UTP14A: variants seen among roughly 807,000 people sequenced by gnomAD.
UTP14A encodes the protein UTP14A small subunit processome component.
Under a neutral mutation model 57.2 loss-of-function variants are expected in UTP14A, and 5 were observed. The observed-to-expected ratio is 0.09, with a 90% CI of 0.05 to 0.18. The LOEUF is 0.18. Ranked by LOEUF, UTP14A falls within the 10% of genes least tolerant of loss-of-function variation. The pLI, the probability that UTP14A is intolerant of heterozygous loss-of-function variation, is 1.00. For missense variants in UTP14A, 430 were observed against 562.1 expected (o/e 0.76, Z 2.38); for synonymous variants, 169 against 210.9 (o/e 0.80, Z 1.72).
chrX:129,907,637 C>A (rs1370771904), intron 2 of UTP14A, among the ~76,000 whole-genome samples, 195 bp downstream of exon 2: 1 of 112,424 alleles, frequency 8.9e-6, no homozygotes, highest in African/African-American at 3.2e-5. Context: ...TCACTACCCT[C>A]AAGTTGCATA....
At position 129,920,523 on chromosome X, in the gene UTP14A, G is replaced by A. The variant is rs1603013356; in HGVS notation, c.819G>A (p.Lys273=). 1.7e-6 allele frequency: 2 copies of A among 1,210,730 alleles called. No individual in the cohort carries two copies. The highest frequency in any genetic ancestry group is 1.7e-5 in the African/African-American group (1 of 57,392). The change falls in exon 9 of 15, where the codon AAG becomes AAA. Residue 273 remains lysine, a synonymous_variant. Transcript: ENST00000394422. ...TAAAAGAGTTTGAGCAGCTGCGGAA[G>A]GTTAATCCAGCTGCAGCACTAGAAG... ...KALKEFEQLR[K]VNPAAALEEL...
At position 129,927,737 on chromosome X, in the gene UTP14A, C is replaced by A. The variant is rs759257079; in HGVS notation, c.2043+1398C>A. On this transcript the variant is annotated intron_variant, in intron 14 of 14. Transcript: ENST00000394422. ...GGCCAGGCTGGTCTTGAACTCCTGACCTCAAGTGATCTGCCTGCCTCGGTC... is the reference window on the plus strand; with the variant it reads ...GGCCAGGCTGGTCTTGAACTCCTGAACTCAAGTGATCTGCCTGCCTCGGTC... 5.9e-4 allele frequency among the ~76,000 whole-genome samples: 66 copies of A among 111,734 alleles called. 1 individual carries two copies. The highest frequency in any genetic ancestry group is 2.1e-3 in the African/African-American group (65 of 30,754).
intron 5 of UTP14A, among the ~76,000 whole-genome samples, chrX:129,911,535 T>C (rs995613139): frequency 4.5e-5 from 5 of 111,011 alleles, no homozygotes; most frequent in African/African-American, 1.6e-4. Flanking sequence ...GCACCATTGC[T>C]CTCCAGCCTG....
At chrX:129,910,197 T>C (rs955500006) in intron 4 of UTP14A, among the ~76,000 whole-genome samples, 1 of 111,084 alleles carries the variant, frequency 9.0e-6, no homozygotes, top group Non-Finnish European at 1.9e-5. Context: ...ATGCACAACA[T>C]GTTGAAGAAT....
chrX:129,917,516 G>T (rs1254392962), intron 6 of UTP14A, among the ~76,000 whole-genome samples: 1 of 111,307 alleles, frequency 9.0e-6, no homozygotes, highest in East Asian at 2.8e-4. Flanking sequence ...TGAATATTTA[G>T]CCATCCTCAT....
At chrX:129,912,373 A>G (rs1327844235) in intron 6 of UTP14A, among the ~76,000 whole-genome samples, 1 of 109,033 alleles carries the variant, frequency 9.2e-6, no homozygotes, top group Non-Finnish European at 1.9e-5. Context: ...CGCCCACCTC[A>G]GTCTCCCAAA....
intron 14 of UTP14A, among the ~76,000 whole-genome samples, chrX:129,927,870 G>A (rs760579684): frequency 3.6e-5 from 4 of 111,739 alleles, no homozygotes; most frequent in Non-Finnish European, 7.5e-5. Flanking sequence ...GGCCACTGGG[G>A]AAGTGTTGAA....
At chrX:129,917,558 A>G (rs1202855962) in intron 6 of UTP14A, among the ~76,000 whole-genome samples, 1 of 111,987 alleles carries the variant, frequency 8.9e-6, no homozygotes, top group Non-Finnish European at 1.9e-5. Context: ...TTTACAGTTC[A>G]TTCGTTTCAT....
intron 4 of UTP14A, among the ~76,000 whole-genome samples, chrX:129,909,055 C>T (rs1331418569): frequency 9.0e-6 from 1 of 111,700 alleles, no homozygotes; most frequent in Non-Finnish European, 1.9e-5. Context: ...TATTTCAGTT[C>T]TCTTAACAAT....
intron 6 of UTP14A, among the ~76,000 whole-genome samples, chrX:129,914,775 T>C (rs1929616863): frequency 8.9e-6 from 1 of 112,369 alleles, no homozygotes; most frequent in Admixed American, 9.5e-5. Context: ...CTGTCTACAG[T>C]GGTATTTCCC....
intron 4 of UTP14A, 75 bp downstream of exon 4, chrX:129,908,809 C>T (rs41304948): frequency 1.2e-5 from 12 of 982,597 alleles, no homozygotes; most frequent in Middle Eastern, 2.6e-4. Flanking sequence ...CCTCACCCCC[C>T]CTAGGAACTG....
At chrX:129,907,732 A>G (rs756341074) in intron 2 of UTP14A, among the ~76,000 whole-genome samples, 41 of 111,827 alleles carry the variant, frequency 3.7e-4, no homozygotes, top group South Asian at 1.1e-3. Context: ...CAAGGCGGGC[A>G]GATCACAAGG....
intron 4 of UTP14A, among the ~76,000 whole-genome samples, chrX:129,909,428 C>G (rs1602997622): frequency 9.0e-6 from 1 of 110,739 alleles, no homozygotes; most frequent in East Asian, 2.8e-4. Flanking sequence ...CCAGGATGGT[C>G]TGGATCTCCT....
chrX:129,924,283 C>CTTTTTTTT (rs556719731), intron 11 of UTP14A, among the ~76,000 whole-genome samples: 1 of 82,540 alleles, frequency 1.2e-5, no homozygotes, highest in Non-Finnish European at 2.3e-5. Flanking sequence ...TCACATGCTA[C>CTTTTTTTT]TTTTTTTTTT....
In UTP14A at chrX:129,912,406, G is replaced by A. The variant is rs1929514907; in HGVS notation, c.537+485G>A. On this transcript the variant is annotated intron_variant, in intron 6 of 14. Transcript: ENST00000394422. ...AAAAGTTTTGTGATTACGGGCATGA[G>A]CCAATGCGCCCGGTCTCTGTGTCAC... Among the ~76,000 whole-genome samples, 3 of 109,825 alleles carry A rather than the reference G, an allele frequency of 2.7e-5. No individual in the cohort carries two copies. The South Asian group carries it at 1.2e-3, about 42-fold the overall frequency.
At position 129,917,708 on chromosome X, in the gene UTP14A, A is replaced by G. The variant is rs138318298; in HGVS notation, c.538-1467A>G. Reference sequence around the variant, plus strand: ...CTTTTTGTTTGTTTGTTTTTAACATAATAAATAGAGATGGGGTTTCACCAT... The same window carrying G: ...CTTTTTGTTTGTTTGTTTTTAACATGATAAATAGAGATGGGGTTTCACCAT... On this transcript the variant is annotated intron_variant, in intron 6 of 14. Transcript: ENST00000394422. 3.4e-4 allele frequency among the ~76,000 whole-genome samples: 38 copies of G among 111,639 alleles called. No homozygotes were observed. In the East Asian group the frequency reaches 9.4e-3, roughly 28 times the overall value.
At chrX:129,928,322 T>C (rs1439093119) in intron 14 of UTP14A, among the ~76,000 whole-genome samples, 2 of 96,250 alleles carry the variant, frequency 2.1e-5, no homozygotes, top group African/African-American at 7.9e-5. Flanking sequence ...GAGGCGGAGC[T>C]TGCAGTGAGC....
rs896275603 is a variant in UTP14A at position 129,921,354 on chromosome X, C to G, written c.1115C>G (p.Pro372Arg). ...VNEVQMNADG[P>R]NPWMLRSCTS... ...GAAGTGCAGATGAATGCAGATGGGCCGAATCCCTGGATGCTCAGGAGCTGC... is the reference window on the plus strand; with the variant it reads ...GAAGTGCAGATGAATGCAGATGGGCGGAATCCCTGGATGCTCAGGAGCTGC... Residue 372 changes from proline (P) to arginine (R), a missense_variant, in exon 11 of 15, where the codon CCG (proline) becomes CGG (arginine). By Grantham distance (103) the Pro-to-Arg change is moderately radical (BLOSUM62 -2). This residue lies in a region of UTP14A where 83 missense variants were observed against 140.4 expected (regional missense o/e 0.59). Coordinates refer to ENST00000394422, the MANE Select transcript of UTP14A (RefSeq NM_006649.4). The G allele has an allele frequency of 2.5e-6, 3 of 1,211,418 alleles. No homozygotes were observed. The highest frequency in any genetic ancestry group is 2.2e-5 in the Admixed American group (1 of 45,940).
chrX:129,928,482 G>A lies in UTP14A; in HGVS notation c.2044-854G>A, dbSNP rs779034063. 1.3e-4 allele frequency among the ~76,000 whole-genome samples: 14 copies of A among 105,764 alleles called. No individual in the cohort carries two copies. In the South Asian group the frequency reaches 3.5e-3, roughly 27 times the overall value. The allele number at this position is 105,764 out of a possible 115,157, so 91.8% of individuals were successfully genotyped here. On this transcript the variant is annotated intron_variant, in intron 14 of 14. Transcript: ENST00000394422. ...CTTAAAACATCAATCCTGGCCAGGC[G>A]CGGTGGCTCACGCCTGTAATCCCAG... is the stretch of plus-strand genomic sequence containing the variant.
Sources: allele counts gnomAD v4.1 joint callset (sites outside exome capture counted in the v4.1 genomes callset), GRCh38; gene constraint gnomAD v4.1.1; regional missense constraint gnomAD v4.1.1; transcripts MANE v1.5; gene names NCBI Gene and HGNC (gene_info 2026-07-23, HGNC 2026-07-21).